TRPM2: variants seen among roughly 807,000 people sequenced by gnomAD.
The protein encoded by TRPM2 is estrogen-responsive element-associated gene 1 protein.
In TRPM2, 161 loss-of-function variants were observed where a neutral mutation model predicts 174.0. The ratio of observed to expected loss-of-function variants is 0.93; its 90% confidence interval spans 0.81 to 1.05. The LOEUF (loss-of-function observed/expected upper bound fraction) is 1.05. Among genes scored for constraint, TRPM2 ranks in the 50% least tolerant of loss-of-function variants. TRPM2 has a pLI of 0.00. For missense variants in TRPM2, 2,057 were observed against 2,038.0 expected (o/e 1.01, Z -0.18); for synonymous variants, 954 against 861.3 (o/e 1.11, Z -1.88).
At position 44,426,785 on chromosome 21, in the gene TRPM2, CCTCCTAGGGG is replaced by C. The variant is rs751984734; in HGVS notation, c.3872+54_3872+63del. On this transcript the variant is annotated intron_variant, in intron 26 of 31. Transcript: ENST00000397928. ...CTCCCAGCTGGCCCCAAACCCAGGG[CCTCCTAGGGG>C]CTCCCTTGAGAATCCCAGTCAGAGC... 156 of 1,598,490 alleles carry C rather than the reference CCTCCTAGGGG, an allele frequency of 9.8e-5. 2 individuals are homozygous for C. In the South Asian group the frequency reaches 1.6e-3, roughly 17 times the overall value.
rs182455286 is a variant in TRPM2 at position 44,372,106 on chromosome 21, A to T, written c.771+2763A>T. Among the ~76,000 whole-genome samples, 6 of 152,294 alleles carry T rather than the reference A, an allele frequency of 3.9e-5. No homozygotes were observed. The East Asian group carries it at 1.2e-3, about 29-fold the overall frequency. ...CACTGCACTCCAGCCTGGGTGACAG[A>T]GCAAGACTCTGTCTAAACTAAACCA... is the stretch of plus-strand genomic sequence containing the variant. On this transcript the variant is annotated intron_variant, in intron 5 of 31. Coordinates refer to ENST00000397928, the MANE Select transcript of TRPM2 (RefSeq NM_003307.4).
intron 16 of TRPM2, among the ~76,000 whole-genome samples, chr21:44,402,905 T>G (rs2049675846): frequency 6.6e-6 from 1 of 152,164 alleles, no homozygotes; most frequent in African/African-American, 2.4e-5. Context: ...CTAACCTTGG[T>G]GGACCACCAG....
chr21:44,395,515 G>A lies in TRPM2; in HGVS notation c.1896G>A (p.Gln632=), dbSNP rs1445418351. ...ACCTTCTCATTTGGGCCATTGTCCA[G>A]AACCGTCGGGAGCTGGCAGGAATCA... ...IRDLLIWAIV[Q]NRRELAGIIW... The change falls in exon 12 of 32, where the codon CAG becomes CAA. Residue 632 remains glutamine (Q), a synonymous_variant. Coordinates refer to ENST00000397928, the MANE Select transcript of TRPM2 (RefSeq NM_003307.4). 6.2e-7 allele frequency: 1 copy of A among 1,613,092 alleles called. No individual in the cohort carries two copies. Among genetic ancestry groups the A allele is most frequent in the Non-Finnish European group, 8.5e-7 (1 of 1,179,952 alleles).
At chr21:44,355,007 G>T (rs141424352) in intron 2 of TRPM2, among the ~76,000 whole-genome samples, 2 of 152,028 alleles carry the variant, frequency 1.3e-5, no homozygotes, top group Middle Eastern at 3.4e-3. Context: ...GCACTGTCGC[G>T]CGGCGAGGCC....
chr21:44,412,994 C>T (rs1174335788), intron 19 of TRPM2, among the ~76,000 whole-genome samples: 2 of 152,032 alleles, frequency 1.3e-5, no homozygotes, highest in African/African-American at 2.4e-5. Context: ...CATAATTTCA[C>T]CTCCCGGAGT....
At chr21:44,411,124 G>T (rs2050096274) in intron 19 of TRPM2, among the ~76,000 whole-genome samples, 1 of 152,134 alleles carries the variant, frequency 6.6e-6, no homozygotes, top group African/African-American at 2.4e-5. Context: ...GTCCTAATTT[G>T]TTCTTTTCCA....
At chr21:44,372,156 C>T (rs2048560858) in intron 5 of TRPM2, among the ~76,000 whole-genome samples, 1 of 150,864 alleles carries the variant, frequency 6.6e-6, no homozygotes, top group Non-Finnish European at 1.5e-5. Flanking sequence ...AAATGATCCC[C>T]TCCAACTACA....
intron 21 of TRPM2, 68 bp from the exon 22 acceptor site, chr21:44,418,355 G>T: frequency 6.3e-7 from 1 of 1,580,832 alleles, no homozygotes; most frequent in Non-Finnish European, 8.6e-7. Context: ...CCCCCCCGGT[G>T]GGTCAGGGCT....
Position 44,417,969 on chromosome 21 carries a change from G to A in TRPM2, c.3189G>A (p.Trp1063Ter). Reference protein sequence around the residue: ...QQVQEHTDQIWKFQRHDLIEE... With the variant: ...QQVQEHTDQI ...TGCAGGAGCACACGGACCAGATTTG[G>A]AAGTTCCAGCGCCATGACCTGATCG... Residue 1063 changes from tryptophan to a stop codon, truncating the protein, a stop_gained, in exon 21 of 32, where the codon TGG becomes TGA. Coordinates refer to ENST00000397928, the MANE Select transcript of TRPM2 (RefSeq NM_003307.4). LOFTEE classifies it high-confidence loss of function. 1 of 1,612,976 alleles carries A rather than the reference G, an allele frequency of 6.2e-7. No homozygotes were observed. The highest frequency in any genetic ancestry group is 8.5e-7 in the Non-Finnish European group (1 of 1,180,008).
chr21:44,408,720 C>T (rs144890311), intron 19 of TRPM2, among the ~76,000 whole-genome samples: 7 of 144,772 alleles, frequency 4.8e-5, no homozygotes, highest in African/African-American at 7.8e-5. Context: ...TGCAGTGGTG[C>T]GATCTCAGCT....
At chr21:44,435,068 C>G (rs1205993701) in intron 27 of TRPM2, 63 bp from the exon 28 acceptor site, 2 of 1,542,488 alleles carry the variant, frequency 1.3e-6, no homozygotes, top group African/African-American at 2.7e-5. Context: ...CAGTCCCCCT[C>G]CCTGCCCTGT....
At chr21:44,429,278 C>CTTTTTT (rs35708355) in intron 27 of TRPM2, among the ~76,000 whole-genome samples, 463 of 44,218 alleles carry the variant, frequency 0.01, no homozygotes, top group Middle Eastern at 0.024. Flanking sequence ...TTTTCTTTTT[C>CTTTTTT]TTTTTTTTTT....
intron 8 of TRPM2, 67 bp from the exon 9 acceptor site, chr21:44,382,651 A>G (rs764396741): frequency 2.7e-6 from 4 of 1,502,950 alleles, no homozygotes; most frequent in Non-Finnish European, 3.7e-6. Flanking sequence ...CCTCAATTCT[A>G]TGTGTCCTGG....
chr21:44,368,552 C>T (rs944636248), intron 4 of TRPM2, among the ~76,000 whole-genome samples: 3 of 152,144 alleles, frequency 2.0e-5, no homozygotes, highest in Admixed American at 1.3e-4. Flanking sequence ...CTGCCTCAGC[C>T]TCCTGAGTAG....
intron 9 of TRPM2, among the ~76,000 whole-genome samples, chr21:44,388,409 T>C (rs1602191312): frequency 2.0e-5 from 3 of 150,882 alleles, no homozygotes; most frequent in African/African-American, 7.3e-5. Flanking sequence ...GGGGGAGAGG[T>C]GAATGAGGAG....
At chr21:44,395,916 G>A (rs1229098187) in intron 12 of TRPM2, among the ~76,000 whole-genome samples, 4 of 63,882 alleles carry the variant, frequency 6.3e-5, no homozygotes, top group East Asian at 4.0e-4. Flanking sequence ...GGGTGTGGAG[G>A]CTGTGGAGGG....
Position 44,392,726 on chromosome 21 carries a change from C to T in TRPM2, c.1794+1101C>T, listed in dbSNP as rs899420915. Among the ~76,000 whole-genome samples the T allele has an allele frequency of 7.9e-5, 12 of 152,188 alleles. No homozygotes were observed. In the East Asian group the frequency reaches 2.1e-3, roughly 27 times the overall value. ...ATGAATTTTAGGGGGGACAGAGTTG[C>T]GTCCATAACATACCCTTTCTAAAAG... On this transcript the variant is annotated intron_variant, in intron 11 of 31. Transcript: ENST00000397928.
At chr21:44,398,223 T>C (rs955584736) in intron 13 of TRPM2, among the ~76,000 whole-genome samples, 7 of 148,118 alleles carry the variant, frequency 4.7e-5, no homozygotes, top group East Asian at 4.0e-4. Flanking sequence ...TTTTTTGAGA[T>C]GGAGTGTCGC....
chr21:44,402,654 C>T (rs2049662059), intron 16 of TRPM2, among the ~76,000 whole-genome samples: 1 of 152,198 alleles, frequency 6.6e-6, no homozygotes, highest in South Asian at 2.1e-4. Flanking sequence ...AACAAAGACA[C>T]CCTCATCAGG....
Sources: allele counts gnomAD v4.1 joint callset (sites outside exome capture counted in the v4.1 genomes callset), GRCh38; gene constraint gnomAD v4.1.1; transcripts MANE v1.5; gene names NCBI Gene and HGNC (gene_info 2026-07-23, HGNC 2026-07-21).